RNF180: variants seen among roughly 807,000 people sequenced by gnomAD.
The protein encoded by RNF180 is E3 ubiquitin-protein ligase RNF180.
In RNF180, 38 loss-of-function variants were observed where a neutral mutation model predicts 59.2. The ratio of observed to expected loss-of-function variants is 0.64; its 90% CI spans 0.50 to 0.84. RNF180 has a LOEUF of 0.84. Ranked by LOEUF, RNF180 falls within the 40% of genes least tolerant of loss-of-function variation. The probability of loss-of-function intolerance (pLI) is 0.00; values close to 1 mark genes in which losing one functional copy is unlikely to be tolerated. For missense variants in RNF180, 705 were observed against 700.9 expected (o/e 1.01, Z -0.07); for synonymous variants, 262 against 240.3 (o/e 1.09, Z -0.84).
At chr5:64,327,896 A>C (rs763692827) in intron 6 of RNF180, among the ~76,000 whole-genome samples, 3 of 152,198 alleles carry the variant, frequency 2.0e-5, no homozygotes, top group Non-Finnish European at 4.4e-5. Context: ...ATTGAGATCT[A>C]TCTCTCTCTC....
chr5:64,330,282 A>G lies in RNF180; in HGVS notation c.1455A>G (p.Glu485=), dbSNP rs1744841370. 6.9e-7 allele frequency: 1 copy of G among 1,456,722 alleles called. No individual in the cohort carries two copies. Among genetic ancestry groups the G allele is most frequent in the African/African-American group, 1.4e-5 (1 of 70,030 alleles). 90.2% of individuals were successfully genotyped at this position (1,456,722 alleles called of 1,614,324 possible). ...TIISRVFFQT[E]LNNATKTFFT... is the part of the protein sequence containing the mutation. ...CTATTTTCTTTTGCTTTATTCTAGA[A>G]TTGAACAATGCCACAAAAACTTTCT... is the stretch of plus-strand genomic sequence containing the variant. Residue 485 remains glutamate, a splice_region_variant and synonymous_variant, in exon 7 of 8, where the codon GAA becomes GAG. Transcript: ENST00000389100.
chr5:64,369,486 G>C (rs528529677), intron 7 of RNF180, 129 bp from the exon 8 acceptor site: 1 of 505,168 alleles, frequency 2.0e-6, no homozygotes, highest in Non-Finnish European at 3.4e-6. Flanking sequence ...AGAAAAAACT[G>C]TCAGGAATAC....
intron 5 of RNF180, among the ~76,000 whole-genome samples, chr5:64,242,198 C>T (rs1394350625): frequency 6.6e-6 from 1 of 152,228 alleles, no homozygotes; most frequent in Non-Finnish European, 1.5e-5. Context: ...CAGCCCTACA[C>T]TGATCGTGGC....
chr5:64,256,605 C>A (rs1241685100), intron 5 of RNF180, among the ~76,000 whole-genome samples: 6 of 152,146 alleles, frequency 3.9e-5, no homozygotes, highest in Non-Finnish European at 7.3e-5. Context: ...TTTACTGCAG[C>A]CTTGCAGTAT....
intron 5 of RNF180, among the ~76,000 whole-genome samples, chr5:64,234,826 C>T (rs1410747034): frequency 3.9e-5 from 6 of 151,916 alleles, no homozygotes; most frequent in Non-Finnish European, 8.8e-5. Context: ...GTCTCGATCT[C>T]CTGACCTCAT....
chr5:64,276,319 G>GGGGTGT (rs553123802), intron 5 of RNF180, among the ~76,000 whole-genome samples: 349 of 138,186 alleles, frequency 2.5e-3, no homozygotes, highest in African/African-American at 6.1e-3. Context: ...AAAATACATT[G>GGGGTGT]GTGTGTGTGT....
intron 7 of RNF180, among the ~76,000 whole-genome samples, chr5:64,352,035 C>CTT (rs928384509): frequency 2.0e-5 from 3 of 150,972 alleles, no homozygotes; most frequent in African/African-American, 7.3e-5. Context: ...TCATCCTGGA[C>CTT]TTTTTTTTTG....
intron 5 of RNF180, among the ~76,000 whole-genome samples, chr5:64,266,184 C>T (rs1402632771): frequency 1.3e-5 from 2 of 152,134 alleles, no homozygotes; most frequent in African/African-American, 4.8e-5. Context: ...AATTTGACTT[C>T]CTCTCTTCCT....
intron 5 of RNF180, among the ~76,000 whole-genome samples, chr5:64,270,777 T>C (rs1247299692): frequency 1.3e-5 from 2 of 152,148 alleles, no homozygotes; most frequent in Non-Finnish European, 2.9e-5. Context: ...ATGTAGCTTT[T>C]CAGTTACTGA....
intron 5 of RNF180, among the ~76,000 whole-genome samples, chr5:64,260,924 C>G (rs573310654): frequency 6.7e-6 from 1 of 148,282 alleles, no homozygotes; most frequent in South Asian, 2.1e-4. Flanking sequence ...AATCATCTAG[C>G]TTAGTTCAGT....
At chr5:64,350,344 T>G (rs1257957781) in intron 7 of RNF180, among the ~76,000 whole-genome samples, 2 of 152,160 alleles carry the variant, frequency 1.3e-5, no homozygotes, top group African/African-American at 2.4e-5. Flanking sequence ...TTGCAAAAAT[T>G]TTCTCCCGTT....
At chr5:64,286,720 A>G (rs1742309606) in intron 5 of RNF180, among the ~76,000 whole-genome samples, 1 of 152,340 alleles carries the variant, frequency 6.6e-6, no homozygotes, top group Non-Finnish European at 1.5e-5. Context: ...TTCAGTTTAC[A>G]ATCCAGTTAA....
At chr5:64,304,395 A>G (rs1743326990) in intron 5 of RNF180, among the ~76,000 whole-genome samples, 1 of 151,648 alleles carries the variant, frequency 6.6e-6, no homozygotes, top group Non-Finnish European at 1.5e-5. Flanking sequence ...CCTTCTGGAA[A>G]GGATTCATCA....
intron 5 of RNF180, among the ~76,000 whole-genome samples, chr5:64,225,903 C>G (rs1165215617): frequency 2.2e-5 from 3 of 138,712 alleles, no homozygotes; most frequent in Non-Finnish European, 4.6e-5. Context: ...CCGGCCACCC[C>G]ATCTGGCCAC....
intron 5 of RNF180, among the ~76,000 whole-genome samples, chr5:64,244,375 A>C (rs575207580): frequency 6.6e-6 from 1 of 150,684 alleles, no homozygotes; most frequent in East Asian, 1.9e-4. Flanking sequence ...TAGAATAACA[A>C]GTTTGGAGAG....
chr5:64,167,634 T>C (rs1320299955), intron 1 of RNF180, among the ~76,000 whole-genome samples: 1 of 152,210 alleles, frequency 6.6e-6, no homozygotes, highest in African/African-American at 2.4e-5. Context: ...AAATTAATCA[T>C]TTTAATATAT....
intron 7 of RNF180, among the ~76,000 whole-genome samples, chr5:64,355,929 AAG>A (rs1311754899): frequency 6.6e-6 from 1 of 152,030 alleles, no homozygotes; most frequent in East Asian, 1.9e-4. Flanking sequence ...TTGTAAAATA[AAG>A]AGGGGTAAAT....
At chr5:64,209,895 C>T (rs1380092069) in intron 2 of RNF180, among the ~76,000 whole-genome samples, 1 of 151,868 alleles carries the variant, frequency 6.6e-6, no homozygotes, top group African/African-American at 2.4e-5. Flanking sequence ...GTATCCATAC[C>T]TTTATTTTGT....
chr5:64,215,948 CT>C (rs1752598902), intron 4 of RNF180, among the ~76,000 whole-genome samples: 1 of 151,786 alleles, frequency 6.6e-6, no homozygotes, highest in East Asian at 1.9e-4. Context: ...TAGGAATACT[CT>C]TATACACAGT....
Sources: gnomAD v4.1 joint callset for allele counts (sites outside exome capture counted in the v4.1 genomes callset) on GRCh38, gnomAD v4.1.1 for gene constraint, MANE v1.5 for transcripts, NCBI Gene and HGNC (gene_info 2026-07-23, HGNC 2026-07-21) for gene names.